The following AKT3 variants were observed in gnomAD, a reference collection of about 807,000 sequenced individuals.
AKT3 encodes RAC-gamma serine/threonine-protein kinase.
AKT3 carries 15 observed loss-of-function variants against 65.3 expected under a neutral mutation model. That is an observed-to-expected ratio of 0.23 (90% CI 0.15 to 0.35). AKT3 has a LOEUF of 0.35. Among genes scored for constraint, AKT3 ranks in the 10% least tolerant of loss-of-function variants. The pLI, the probability that AKT3 is intolerant of heterozygous loss-of-function variation, is 1.00. For synonymous variants in AKT3, 206 were observed against 183.8 expected (o/e 1.12, Z -0.98); for missense variants, 243 against 576.5 (o/e 0.42, Z 5.92).
chr1:243,774,541 C>G (rs1263575630), intron 2 of AKT3, among the ~76,000 whole-genome samples: 2 of 152,004 alleles, frequency 1.3e-5, no homozygotes, highest in African/African-American at 4.8e-5. Context: ...TACCTGCCTT[C>G]TTATCACAAG....
intron 4 of AKT3, among the ~76,000 whole-genome samples, chr1:243,653,851 G>C (rs1572107832): frequency 6.6e-6 from 1 of 151,946 alleles, no homozygotes; most frequent in South Asian, 2.1e-4. Flanking sequence ...ATATAATACG[G>C]CAATCCATTC....
intron 5 of AKT3, among the ~76,000 whole-genome samples, chr1:243,644,544 T>C (rs1680665840): frequency 6.6e-6 from 1 of 151,900 alleles, no homozygotes; most frequent in Non-Finnish European, 1.5e-5. Flanking sequence ...AAAAAAAAAA[T>C]GTTTAAAGTG....
intron 9 of AKT3, among the ~76,000 whole-genome samples, chr1:243,567,382 A>G (rs1202015172): frequency 6.6e-6 from 1 of 151,812 alleles, no homozygotes; most frequent in Non-Finnish European, 1.5e-5. Context: ...ATCACAGCTC[A>G]CTGCAGCCTC....
intron 2 of AKT3, among the ~76,000 whole-genome samples, chr1:243,786,052 A>C (rs1031688160): frequency 2.0e-5 from 3 of 152,228 alleles, no homozygotes; most frequent in African/African-American, 7.2e-5. Context: ...CTGAGCCTTA[A>C]AGATCATCAA....
chr1:243,597,509 T>C (rs1252260282), intron 8 of AKT3, among the ~76,000 whole-genome samples: 1 of 152,154 alleles, frequency 6.6e-6, no homozygotes, highest in Non-Finnish European at 1.5e-5. Context: ...TTGTTTTGTT[T>C]TGTTTTGTTT....
At chr1:243,844,299 A>C (rs1695415134) in intron 1 of AKT3, among the ~76,000 whole-genome samples, 1 of 152,164 alleles carries the variant, frequency 6.6e-6, no homozygotes, top group Non-Finnish European at 1.5e-5. Context: ...TGGAGCCAAG[A>C]TCTGAACCCA....
intron 6 of AKT3, among the ~76,000 whole-genome samples, chr1:243,626,460 G>T (rs1171199059): frequency 6.6e-6 from 1 of 152,136 alleles, no homozygotes; most frequent in East Asian, 1.9e-4. Context: ...TAATTTCAAA[G>T]AATGCACCAA....
At chr1:243,662,985 A>C (rs191067703) in intron 4 of AKT3, among the ~76,000 whole-genome samples, 24 of 152,330 alleles carry the variant, frequency 1.6e-4, no homozygotes, top group Admixed American at 1.4e-3. Flanking sequence ...GGCAAAATGA[A>C]TTGTGCTTCA....
intron 8 of AKT3, among the ~76,000 whole-genome samples, chr1:243,583,177 T>TAG (rs1558632285): frequency 1.8e-5 from 2 of 112,476 alleles, no homozygotes; most frequent in Non-Finnish European, 4.0e-5. Flanking sequence ...TGTGTATATA[T>TAG]ATATATATAT....
chr1:243,643,657 G>A (rs529106517), intron 5 of AKT3, among the ~76,000 whole-genome samples: 6 of 152,274 alleles, frequency 3.9e-5, no homozygotes, highest in East Asian at 1.9e-4. Flanking sequence ...ACACTGTGGC[G>A]ATAATCCACC....
chr1:243,576,141 A>C (rs1054587511), intron 8 of AKT3, among the ~76,000 whole-genome samples: 2 of 152,206 alleles, frequency 1.3e-5, no homozygotes, highest in African/African-American at 4.8e-5. Flanking sequence ...AAACCACGTG[A>C]TTATCTCAAT....
intron 12 of AKT3, among the ~76,000 whole-genome samples, chr1:243,521,171 T>A (rs1185639499): frequency 1.4e-4 from 22 of 152,226 alleles, no homozygotes; most frequent in Admixed American, 1.2e-3. Context: ...GGACAGTGAT[T>A]GTGGTATCTT....
intron 3 of AKT3, among the ~76,000 whole-genome samples, chr1:243,682,143 A>G (rs1468209816): frequency 6.6e-6 from 1 of 152,134 alleles, no homozygotes; most frequent in Non-Finnish European, 1.5e-5. Context: ...AGTTATCTAC[A>G]TTCAACTTAA....
At chr1:243,774,344 A>G (rs1293645152) in intron 2 of AKT3, among the ~76,000 whole-genome samples, 1 of 152,216 alleles carries the variant, frequency 6.6e-6, no homozygotes, top group African/African-American at 2.4e-5. Flanking sequence ...TTGCTACAAT[A>G]CTGCTTTGTG....
chr1:243,611,579 G>A (rs1172734510), intron 8 of AKT3, among the ~76,000 whole-genome samples: 1 of 152,036 alleles, frequency 6.6e-6, no homozygotes, highest in African/African-American at 2.4e-5. Flanking sequence ...AGTTACACAG[G>A]AGGCTGTGAT....
intron 2 of AKT3, among the ~76,000 whole-genome samples, chr1:243,716,607 C>A (rs1169812858): frequency 2.0e-5 from 3 of 152,110 alleles, no homozygotes; most frequent in Non-Finnish European, 2.9e-5. Context: ...TAGTTTAAAA[C>A]AAACTCTTCA....
At chr1:243,688,390 T>C (rs1291997460) in intron 3 of AKT3, among the ~76,000 whole-genome samples, 1 of 152,198 alleles carries the variant, frequency 6.6e-6, no homozygotes, top group Non-Finnish European at 1.5e-5. Context: ...TGTGGATATA[T>C]ATTAAAAAAT....
At chr1:243,574,939 C>G (rs1383460554) in intron 8 of AKT3, among the ~76,000 whole-genome samples, 1 of 152,064 alleles carries the variant, frequency 6.6e-6, no homozygotes, top group East Asian at 1.9e-4. Flanking sequence ...ATAATATATG[C>G]AAGATTCTAG....
intron 8 of AKT3, among the ~76,000 whole-genome samples, chr1:243,577,412 G>A (rs12139282): frequency 0.056 from 8,503 of 152,186 alleles, 337 homozygotes; most frequent in Non-Finnish European, 0.084. Context: ...CTCTCAAAGC[G>A]CTGGGATTAC....
Sources: allele counts gnomAD v4.1 joint callset (sites outside exome capture counted in the v4.1 genomes callset), GRCh38; gene constraint gnomAD v4.1.1; transcripts MANE v1.5; gene names NCBI Gene and HGNC (gene_info 2026-07-23, HGNC 2026-07-21).